TTC7B: variants seen among roughly 807,000 people sequenced by gnomAD.
TTC7B encodes the protein tetratricopeptide repeat protein 7B.
Under a neutral mutation model 106.8 loss-of-function variants are expected in TTC7B, and 28 were observed. The observed-to-expected ratio is 0.26, with a 90% CI of 0.19 to 0.36. TTC7B has a LOEUF of 0.36. Ranked by LOEUF, TTC7B falls within the 10% of genes least tolerant of loss-of-function variation. The pLI, the probability that TTC7B is intolerant of heterozygous loss-of-function variation, is 1.00. For synonymous variants in TTC7B, 405 were observed against 430.6 expected (o/e 0.94, Z 0.74); for missense variants, 862 against 1,076.4 (o/e 0.80, Z 2.79).
At chr14:90,704,848 G>C (rs1888141643) in intron 5 of TTC7B, among the ~76,000 whole-genome samples, 1 of 152,136 alleles carries the variant, frequency 6.6e-6, no homozygotes, top group Admixed American at 6.5e-5. Context: ...TTCTTTCATC[G>C]CACAGCACCT....
At chr14:90,740,961 G>A (rs1889737298) in intron 4 of TTC7B, among the ~76,000 whole-genome samples, 1 of 152,212 alleles carries the variant, frequency 6.6e-6, no homozygotes. Context: ...AATGTGCTGG[G>A]AGGCACATGA....
chr14:90,557,315 G>A (rs563305427), intron 19 of TTC7B, among the ~76,000 whole-genome samples: 11 of 152,244 alleles, frequency 7.2e-5, no homozygotes, highest in African/African-American at 9.6e-5. Flanking sequence ...GAGAAGTCAC[G>A]TGGGGCAGAG....
At chr14:90,793,472 C>T (rs1447908015) in intron 1 of TTC7B, among the ~76,000 whole-genome samples, 1 of 146,244 alleles carries the variant, frequency 6.8e-6, no homozygotes, top group Non-Finnish European at 1.5e-5. Flanking sequence ...TTATAGTGAG[C>T]TGAGATTGTG....
chr14:90,576,927 A>G (rs907110052), intron 19 of TTC7B, among the ~76,000 whole-genome samples: 1 of 152,210 alleles, frequency 6.6e-6, no homozygotes, highest in African/African-American at 2.4e-5. Flanking sequence ...GTCTAGTCAA[A>G]TGCCTTCATT....
In TTC7B at chr14:90,624,299, T is replaced by C. The variant is rs944792454; in HGVS notation, c.1752-6254A>G. 6.6e-6 allele frequency among the ~76,000 whole-genome samples: 1 copy of C among 152,168 alleles called. No individual in the cohort carries two copies. Among genetic ancestry groups the C allele is most frequent in the Non-Finnish European group, 1.5e-5 (1 of 68,030 alleles). On this transcript the variant is annotated intron_variant, in intron 15 of 19. Transcript: ENST00000328459. This position sits in a 1 kb window ranked among gnomAD's most constrained non-coding sequence, Gnocchi z 4.0. ...ATAACTCTTGAAATAACAACTATGT[T>C]TGGATAGGGCAGGGCTTAGAAAGAA...
chr14:90,550,303 T>C (rs1029503606), intron 19 of TTC7B, among the ~76,000 whole-genome samples: 1 of 152,208 alleles, frequency 6.6e-6, no homozygotes, highest in Admixed American at 6.5e-5. Context: ...TGTTGATGTA[T>C]AGGACCGAAC....
intron 19 of TTC7B, among the ~76,000 whole-genome samples, chr14:90,558,318 G>A (rs903988570): frequency 6.6e-5 from 10 of 152,242 alleles, no homozygotes; most frequent in Admixed American, 2.0e-4. Flanking sequence ...CTGCCAGGAC[G>A]ACCCCAGGCC....
chr14:90,796,505 TC>T lies in TTC7B; in HGVS notation c.122-10178del, dbSNP rs576239679. 1.1e-3 allele frequency among the ~76,000 whole-genome samples: 165 copies of T among 152,070 alleles called. 1 individual carries two copies. Among genetic ancestry groups the T allele is most frequent in the African/African-American group, 3.7e-3 (152 of 41,492 alleles). On this transcript the variant is annotated intron_variant, in intron 1 of 19. Coordinates refer to ENST00000328459, the MANE Select transcript of TTC7B (RefSeq NM_001010854.2). ...GCCCACAGGCACTTGGCCTCCTTGA[TC>T]CCCCCCACCCGGGGAAGGTGGGGCT...
At chr14:90,587,302 A>G (rs1891756731) in intron 18 of TTC7B, among the ~76,000 whole-genome samples, 1 of 152,134 alleles carries the variant, frequency 6.6e-6, no homozygotes, top group Non-Finnish European at 1.5e-5. Flanking sequence ...CTTTCCAATG[A>G]TTTTAGGATT....
At position 90,526,300 on chromosome 14, in the gene TTC7B, G is replaced by A. The variant is rs754444423; in HGVS notation, c.*15068C>T. 1.3e-5 allele frequency: 2 copies of A among 152,200 alleles called. No homozygotes were observed. The highest frequency in any genetic ancestry group is 1.9e-4 in the East Asian group (1 of 5,180). 9.4% of individuals were successfully genotyped at this position (152,200 alleles called of 1,614,324 possible). ...GTAATGATGTTGAACATTTCTTCAT[G>A]TGCTTGTTGGCCTAGACCTTACTTT... On this transcript the variant is annotated 3_prime_UTR_variant, in exon 20 of 20. Coordinates refer to ENST00000328459, the MANE Select transcript of TTC7B (RefSeq NM_001010854.2).
intron 3 of TTC7B, among the ~76,000 whole-genome samples, chr14:90,777,656 C>T (rs1891076600): frequency 6.6e-6 from 1 of 152,172 alleles, no homozygotes; most frequent in African/African-American, 2.4e-5. Flanking sequence ...CAGAGAACCC[C>T]CTGACAGCAG....
chr14:90,733,088 T>C (rs1472696507), intron 4 of TTC7B, among the ~76,000 whole-genome samples: 1 of 152,204 alleles, frequency 6.6e-6, no homozygotes, highest in Non-Finnish European at 1.5e-5. Flanking sequence ...AGGATAAGCA[T>C]TCAATATACA....
chr14:90,624,905 A>T lies in TTC7B; in HGVS notation c.1752-6860T>A, dbSNP rs1884371347. ...CCAGGGACCTGCTCTTTCTTTGTTT[A>T]TCTACTGAATGCAGGCAGGAATGCA... is the stretch of plus-strand genomic sequence containing the variant. On this transcript the variant is annotated intron_variant, in intron 15 of 19. Coordinates refer to ENST00000328459, the MANE Select transcript of TTC7B (RefSeq NM_001010854.2). This position sits in a 1 kb window ranked among gnomAD's most constrained non-coding sequence, Gnocchi z 4.0. Among the ~76,000 whole-genome samples the T allele has an allele frequency of 2.0e-5, 3 of 152,174 alleles. No homozygotes were observed. Among genetic ancestry groups the T allele is most frequent in the Non-Finnish European group, 4.4e-5 (3 of 68,036 alleles).
At chr14:90,638,667 T>G (rs1406825399) in intron 15 of TTC7B, among the ~76,000 whole-genome samples, 2 of 152,214 alleles carry the variant, frequency 1.3e-5, no homozygotes, top group Non-Finnish European at 2.9e-5. Flanking sequence ...CTCCCCAAAC[T>G]AAGCTATTAA....
At chr14:90,590,622 C>T (rs1017730794) in intron 18 of TTC7B, among the ~76,000 whole-genome samples, 1 of 152,132 alleles carries the variant, frequency 6.6e-6, no homozygotes, top group African/African-American at 2.4e-5. Flanking sequence ...CATGAACTGC[C>T]AAAAAATTGA....
chr14:90,648,583 C>G (rs1305161491), intron 13 of TTC7B: 1 of 152,120 alleles, frequency 6.6e-6, no homozygotes, highest in Non-Finnish European at 1.5e-5. Flanking sequence ...AACTACTAGG[C>G]TCAAGTGATC....
intron 18 of TTC7B, among the ~76,000 whole-genome samples, chr14:90,590,602 A>G (rs1212697487): frequency 6.6e-6 from 1 of 152,192 alleles, no homozygotes; most frequent in Non-Finnish European, 1.5e-5. Flanking sequence ...AACAGAGGTT[A>G]CCTGGTTTCC....
chr14:90,618,391 C>T (rs972635914), intron 15 of TTC7B, among the ~76,000 whole-genome samples: 6 of 152,218 alleles, frequency 3.9e-5, no homozygotes, highest in East Asian at 1.9e-4. Flanking sequence ...TCATTAAAAG[C>T]GAACCTTGGT....
At chr14:90,800,246 T>G (rs2030173503) in intron 1 of TTC7B, among the ~76,000 whole-genome samples, 1 of 152,092 alleles carries the variant, frequency 6.6e-6, no homozygotes, top group African/African-American at 2.4e-5. Flanking sequence ...TGAGACGTGA[T>G]GGTGACTTGG....
Sources: allele counts gnomAD v4.1 joint callset (sites outside exome capture counted in the v4.1 genomes callset), GRCh38; gene constraint gnomAD v4.1.1; non-coding constraint Gnocchi (gnomAD v3.1); transcripts MANE v1.5; gene names NCBI Gene and HGNC (gene_info 2026-07-23, HGNC 2026-07-21).